Variants in RYR3 observed in about 807,000 individuals in gnomAD.
The protein encoded by RYR3 is brain ryanodine receptor-calcium release channel.
A neutral mutation model predicts 584.3 loss-of-function variants in RYR3; 207 were observed. That is an observed-to-expected ratio of 0.35 (90% confidence interval 0.32 to 0.40). The LOEUF (loss-of-function observed/expected upper bound fraction) is 0.40, where lower values mean the gene tolerates loss of function less well. Ranked by LOEUF, RYR3 falls within the 10% of genes least tolerant of loss-of-function variation. The pLI, the probability that RYR3 is intolerant of heterozygous loss-of-function variation, is 1.00. For missense variants in RYR3, 5,616 were observed against 6,089.2 expected (o/e 0.92, Z 2.59); for synonymous variants, 2,416 against 2,248.5 (o/e 1.07, Z -2.11).
chr15:33,497,497 T>G (rs2051543491), intron 2 of RYR3, among the ~76,000 whole-genome samples: 1 of 152,174 alleles, frequency 6.6e-6, no homozygotes, highest in South Asian at 2.1e-4. Context: ...CTACTTTAAT[T>G]TAGGCCGTTG....
rs201516802 is a variant in RYR3, at chr15:33,731,637, G to A, written c.7367G>A (p.Arg2456His). Residue 2456 changes from arginine (R) to histidine (H), a missense_variant, in exon 48 of 104, where the codon CGT becomes CAT. Coordinates refer to ENST00000634891, the MANE Select transcript of RYR3 (RefSeq NM_001036.6). ...ACAATATACAGGCTATCCAAGGGAC[G>A]TTCCCTCACCAAAGCACAAAGGGAC... The part of the protein sequence containing the change: ...LQTIYRLSKG[R>H]SLTKAQRDTI... 268 of 1,613,798 alleles carry A rather than the reference G, an allele frequency of 1.7e-4. 1 individual carries two copies. The highest frequency in any genetic ancestry group is 6.6e-4 in the Middle Eastern group (4 of 6,062).
chr15:33,442,972 A>G (rs950199243), intron 1 of RYR3, among the ~76,000 whole-genome samples: 1 of 152,184 alleles, frequency 6.6e-6, no homozygotes, highest in Admixed American at 6.5e-5. Context: ...AAACTTCATA[A>G]ACAAGGCCAG....
At chr15:33,703,483 G>A (rs1416518312) in intron 42 of RYR3, among the ~76,000 whole-genome samples, 1 of 152,158 alleles carries the variant, frequency 6.6e-6, no homozygotes, top group Non-Finnish European at 1.5e-5. Flanking sequence ...GTGTCCTCAC[G>A]TAGTCTTTTC....
chr15:33,542,097 T>G (rs973156890), intron 7 of RYR3, among the ~76,000 whole-genome samples: 1 of 152,136 alleles, frequency 6.6e-6, no homozygotes, highest in Non-Finnish European at 1.5e-5. Context: ...TGTAATATAG[T>G]CTGGATAACT....
At chr15:33,845,159 G>A (rs528527023) in intron 93 of RYR3, 97 bp downstream of exon 93, 130 of 1,261,438 alleles carry the variant, frequency 1.0e-4, no homozygotes, top group Non-Finnish European at 1.3e-4. Flanking sequence ...TTTGCTAGCC[G>A]TAAAGGCCTT....
chr15:33,606,644 T>C (rs77622100), intron 18 of RYR3, among the ~76,000 whole-genome samples: 4,772 of 152,276 alleles, frequency 0.031, 105 homozygotes, highest in Non-Finnish European at 0.048. Context: ...TCAGACACTG[T>C]GATCTTCTCT....
chr15:33,517,314 T>G (rs2053603103), intron 3 of RYR3, among the ~76,000 whole-genome samples: 1 of 152,226 alleles, frequency 6.6e-6, no homozygotes, highest in Non-Finnish European at 1.5e-5. Flanking sequence ...TTAAATAACC[T>G]TTCTGATTTT....
rs759768457 is a variant in RYR3 at position 33,865,118 on chromosome 15, C to CATATT, written c.14518-10_14518-6dup. The CATATT allele has an allele frequency of 6.9e-6, 11 of 1,600,458 alleles. No individual in the cohort carries two copies. In the East Asian group the frequency reaches 2.5e-4, roughly 36 times the overall value. ...GGTTTAAAAATAAGCACCCGTTGTTCATATTATTTCAGGAATCTTATGTCT... is the reference window on the plus strand; with the variant it reads ...GGTTTAAAAATAAGCACCCGTTGTTCATATTATATTATTTCAGGAATCTTATGTCT... On this transcript the variant is annotated splice_polypyrimidine_tract_variant and intron_variant, in intron 103 of 103. Coordinates refer to ENST00000634891, the MANE Select transcript of RYR3 (RefSeq NM_001036.6).
intron 1 of RYR3, among the ~76,000 whole-genome samples, chr15:33,346,171 T>G (rs1247853114): frequency 6.6e-6 from 1 of 152,202 alleles, no homozygotes; most frequent in Non-Finnish European, 1.5e-5. Context: ...AGGTGATTCT[T>G]GGAAATTAGA....
intron 5 of RYR3, 47 bp from the exon 6 acceptor site, chr15:33,539,303 C>A (rs2141133726): frequency 8.0e-7 from 1 of 1,246,626 alleles, no homozygotes; most frequent in Non-Finnish European, 1.2e-6. Context: ...AAATTAGGGA[C>A]ACTGGCTTCT....
intron 69 of RYR3, among the ~76,000 whole-genome samples, chr15:33,804,307 A>T (rs1255599947): frequency 6.6e-6 from 1 of 152,246 alleles, no homozygotes; most frequent in Admixed American, 6.5e-5. Context: ...GTTGAATAAT[A>T]GTTGCCATGG....
intron 103 of RYR3, among the ~76,000 whole-genome samples, 170 bp downstream of exon 103, chr15:33,864,359 C>G (rs1204500083): frequency 6.6e-6 from 1 of 151,736 alleles, no homozygotes; most frequent in Non-Finnish European, 1.5e-5. Flanking sequence ...CCTGTTTATC[C>G]TTCCCAACAA....
At chr15:33,426,062 A>G (rs970657368) in intron 1 of RYR3, among the ~76,000 whole-genome samples, 14 of 152,294 alleles carry the variant, frequency 9.2e-5, no homozygotes, top group East Asian at 7.7e-4. Context: ...TAAAGCTACA[A>G]ATCAGTAGCA....
At chr15:33,539,197 TG>T in intron 5 of RYR3, 152 bp from the exon 6 acceptor site, 1 of 575,636 alleles carries the variant, frequency 1.7e-6, no homozygotes. Flanking sequence ...GGGGGCTGTC[TG>T]GAACGGTTAG....
At chr15:33,861,582 C>T (rs1378856776) in intron 102 of RYR3, among the ~76,000 whole-genome samples, 1 of 151,998 alleles carries the variant, frequency 6.6e-6, no homozygotes, top group Non-Finnish European at 1.5e-5. Flanking sequence ...TGAAAGCTGT[C>T]CATGCTCAGT....
chr15:33,530,030 A>T (rs187282468), intron 3 of RYR3, among the ~76,000 whole-genome samples: 39 of 152,186 alleles, frequency 2.6e-4, no homozygotes, highest in African/African-American at 9.2e-4. Flanking sequence ...CAACTGAAGG[A>T]TCTATTTCTG....
In RYR3 at chr15:33,669,484, C is replaced by CT. The variant is rs747743149; in HGVS notation, c.5722+35dup. 24 of 1,591,084 alleles carry CT rather than the reference C, an allele frequency of 1.5e-5. 1 individual carries two copies. The highest frequency in any genetic ancestry group is 2.7e-5 in the African/African-American group (2 of 74,520). On this transcript the variant is annotated intron_variant, in intron 37 of 103. Coordinates refer to ENST00000634891, the MANE Select transcript of RYR3 (RefSeq NM_001036.6). ...AAGCTGCCCAGAGAAAGGCTTTGTC[C>CT]TTTTTTTACAAGAAGAGTCTGTTTT...
intron 74 of RYR3, 132 bp from the exon 75 acceptor site, chr15:33,816,730 C>G (rs1370009250): frequency 3.5e-6 from 2 of 563,958 alleles, no homozygotes; most frequent in Non-Finnish European, 3.2e-6. Flanking sequence ...TGGTATGCTA[C>G]TGGCTACCCT....
In RYR3 at chr15:33,403,137, C is replaced by T. The variant is rs115886803; in HGVS notation, c.52-70282C>T. 4.4e-3 allele frequency among the ~76,000 whole-genome samples: 664 copies of T among 152,296 alleles called. 6 individuals carry two copies. The highest frequency in any genetic ancestry group is 0.015 in the African/African-American group (632 of 41,562). On this transcript the variant is annotated intron_variant, in intron 1 of 103. Transcript: ENST00000634891. ...TGGACATGAGGAATCTTAAAGACTT[C>T]GTTTCTGAACCAGGACTCTATAAAG...
Sources: gnomAD v4.1 joint callset for allele counts (sites outside exome capture counted in the v4.1 genomes callset) on GRCh38, gnomAD v4.1.1 for gene constraint, MANE v1.5 for transcripts, NCBI Gene and HGNC (gene_info 2026-07-23, HGNC 2026-07-21) for gene names.